Variants in PCDH7 observed in about 807,000 individuals in gnomAD.
PCDH7 encodes protocadherin-7.
PCDH7 carries 17 observed loss-of-function variants against 58.9 expected under a neutral mutation model. That is an observed-to-expected ratio of 0.29 (90% CI 0.20 to 0.43). PCDH7 has a LOEUF of 0.43. Ranked by LOEUF, PCDH7 falls within the 20% of genes least tolerant of loss-of-function variation. The probability of loss-of-function intolerance (pLI) is 1.00; values close to 1 mark genes in which losing one functional copy is unlikely to be tolerated. For synonymous variants in PCDH7, 664 were observed against 616.4 expected (o/e 1.08, Z -1.14); for missense variants, 1,274 against 1,441.0 (o/e 0.88, Z 1.88).
At position 31,068,450 on chromosome 4, in the gene PCDH7, T is replaced by G. The variant is rs575078001; in HGVS notation, c.*8-74023T>G. Among the ~76,000 whole-genome samples the G allele has an allele frequency of 2.6e-5, 4 of 152,140 alleles. No homozygotes were observed. In the South Asian group the frequency reaches 8.3e-4, roughly 32 times the overall value. On this transcript the variant is annotated intron_variant, in intron 3 of 3. Transcript: ENST00000509759. Reference sequence around the variant, plus strand: ...CAGGCAGAATGTGTAGGAACTGTATTAGGCTTGTAGACTCCAATATATACA... The same window carrying G: ...CAGGCAGAATGTGTAGGAACTGTATGAGGCTTGTAGACTCCAATATATACA...
intron 1 of PCDH7, among the ~76,000 whole-genome samples, chr4:30,876,145 T>A (rs1330691800): frequency 3.9e-5 from 6 of 152,078 alleles, no homozygotes; most frequent in Admixed American, 2.6e-4. Context: ...CACATGTTTG[T>A]CAGCTAGAGA....
chr4:30,843,039 A>G (rs578177337), intron 1 of PCDH7, among the ~76,000 whole-genome samples: 6 of 151,552 alleles, frequency 4.0e-5, no homozygotes, highest in Non-Finnish European at 8.8e-5. Context: ...TAGGGCCTCA[A>G]TGTTATTGAA....
At chr4:30,987,780 T>A (rs1751106681) in intron 3 of PCDH7, 1 of 152,188 alleles carries the variant, frequency 6.6e-6, no homozygotes, top group African/African-American at 2.4e-5. Flanking sequence ...TTTTTATTTT[T>A]AAATATTAGT....
At chr4:30,904,867 C>T (rs745808439) in intron 1 of PCDH7, among the ~76,000 whole-genome samples, 13 of 152,120 alleles carry the variant, frequency 8.5e-5, no homozygotes, top group Non-Finnish European at 1.5e-4. Context: ...TAATGCTTAA[C>T]TAACACTTCA....
chr4:31,034,922 C>A (rs1269184974), intron 3 of PCDH7, among the ~76,000 whole-genome samples: 1 of 152,172 alleles, frequency 6.6e-6, no homozygotes, highest in Non-Finnish European at 1.5e-5. Flanking sequence ...TTACCTGCAT[C>A]CACAGGTTGG....
At chr4:31,105,209 C>T (rs571251239) in intron 3 of PCDH7, among the ~76,000 whole-genome samples, 2 of 152,198 alleles carry the variant, frequency 1.3e-5, no homozygotes, top group South Asian at 4.1e-4. Flanking sequence ...GTAAAGGACA[C>T]TTTAAATATA....
intron 1 of PCDH7, among the ~76,000 whole-genome samples, chr4:30,772,488 T>C (rs1249144361): frequency 2.0e-5 from 3 of 152,214 alleles, no homozygotes; most frequent in East Asian, 1.9e-4. Context: ...TAGCCTGTTA[T>C]ATGCCTGTTT....
At chr4:30,781,827 C>T (rs1434266518) in intron 1 of PCDH7, among the ~76,000 whole-genome samples, 4 of 152,180 alleles carry the variant, frequency 2.6e-5, no homozygotes, top group Non-Finnish European at 5.9e-5. Context: ...TGAGCCACCA[C>T]GCCTGGCCTC....
intron 3 of PCDH7, among the ~76,000 whole-genome samples, chr4:30,955,950 C>T (rs1035479049): frequency 1.9e-4 from 29 of 150,870 alleles, no homozygotes; most frequent in African/African-American, 5.4e-4. Flanking sequence ...TTTGGGAGGC[C>T]GAGGCGGGTG....
intron 1 of PCDH7, among the ~76,000 whole-genome samples, chr4:30,828,892 A>G (rs1048406283): frequency 6.6e-6 from 1 of 151,820 alleles, no homozygotes; most frequent in African/African-American, 2.4e-5. Flanking sequence ...TAATCAATAT[A>G]TTTCTTAACT....
At chr4:31,067,171 A>G (rs1054771019) in intron 3 of PCDH7, among the ~76,000 whole-genome samples, 1 of 151,962 alleles carries the variant, frequency 6.6e-6, no homozygotes, top group Non-Finnish European at 1.5e-5. Flanking sequence ...TTAAAAATAC[A>G]GATACCTTAG....
chr4:31,008,890 T>G (rs371297681), intron 3 of PCDH7, among the ~76,000 whole-genome samples: 10 of 152,254 alleles, frequency 6.6e-5, no homozygotes, highest in African/African-American at 2.4e-4. Context: ...TTTTCCACTG[T>G]GTTCTCAAAT....
chr4:30,729,701 A>G (rs1054550094), intron 1 of PCDH7, among the ~76,000 whole-genome samples: 18 of 152,038 alleles, frequency 1.2e-4, no homozygotes, highest in African/African-American at 4.3e-4. Context: ...ATCAATATTG[A>G]TAATTACTTT....
chr4:30,936,949 A>T (rs2109431948), intron 2 of PCDH7, among the ~76,000 whole-genome samples: 1 of 152,130 alleles, frequency 6.6e-6, no homozygotes, highest in Middle Eastern at 3.4e-3. Flanking sequence ...ATTCATTGGC[A>T]GTTCATTCAG....
chr4:30,960,772 C>T (rs938392167), intron 3 of PCDH7, among the ~76,000 whole-genome samples: 20 of 152,252 alleles, frequency 1.3e-4, no homozygotes, highest in Non-Finnish European at 2.9e-4. Flanking sequence ...ATGAGAACCT[C>T]AGTTTCATTC....
chr4:31,034,371 T>C (rs547811007), intron 3 of PCDH7, among the ~76,000 whole-genome samples: 7 of 152,336 alleles, frequency 4.6e-5, no homozygotes, highest in African/African-American at 1.7e-4. Context: ...GAAATGATTG[T>C]TCATTATTAG....
At chr4:31,090,397 A>G (rs1713079327) in intron 3 of PCDH7, among the ~76,000 whole-genome samples, 1 of 151,836 alleles carries the variant, frequency 6.6e-6, no homozygotes, top group African/African-American at 2.4e-5. Context: ...CACCTACGGC[A>G]TTTATCCTTT....
intron 3 of PCDH7, among the ~76,000 whole-genome samples, chr4:30,990,450 G>A (rs919321703): frequency 7.2e-5 from 11 of 152,046 alleles, no homozygotes; most frequent in Non-Finnish European, 1.5e-4. Flanking sequence ...TTCCATGTGT[G>A]ATAGAAAAAG....
At chr4:31,066,551 G>T (rs1273570448) in intron 3 of PCDH7, among the ~76,000 whole-genome samples, 1 of 151,720 alleles carries the variant, frequency 6.6e-6, no homozygotes. Context: ...AGCCACATTC[G>T]CAAACTTACC....
Sources: allele counts gnomAD v4.1 joint callset (sites outside exome capture counted in the v4.1 genomes callset), GRCh38; gene constraint gnomAD v4.1.1; transcripts MANE v1.5; gene names NCBI Gene and HGNC (gene_info 2026-07-23, HGNC 2026-07-21).